Variants in AGBL4 observed in about 807,000 individuals in gnomAD.
AGBL4 encodes the protein cytosolic carboxypeptidase 6.
AGBL4 carries 58 observed loss-of-function variants against 66.4 expected under a neutral mutation model. The ratio of observed to expected loss-of-function variants is 0.87; its 90% CI spans 0.71 to 1.09. The LOEUF (loss-of-function observed/expected upper bound fraction) is 1.09, where lower values mean the gene tolerates loss of function less well. Among genes scored for constraint, AGBL4 ranks in the 50% least tolerant of loss-of-function variants. The pLI, the probability that AGBL4 is intolerant of heterozygous loss-of-function variation, is 0.00. For missense variants in AGBL4, 579 were observed against 631.0 expected, an observed-to-expected ratio of 0.92 and a Z score of 0.88; for synonymous variants, 234 against 222.9, an observed-to-expected ratio of 1.05 and a Z score of -0.44.
At chr1:49,556,830 G>T (rs1200508081) in intron 3 of AGBL4, among the ~76,000 whole-genome samples, 1 of 152,086 alleles carries the variant, frequency 6.6e-6, no homozygotes, top group Non-Finnish European at 1.5e-5. Flanking sequence ...CAGGCTGCAG[G>T]TCCTGAGCCC....
At chr1:49,154,731 T>A (rs1646399073) in intron 4 of AGBL4, among the ~76,000 whole-genome samples, 2 of 152,170 alleles carry the variant, frequency 1.3e-5, no homozygotes, top group South Asian at 4.1e-4. Flanking sequence ...CCATAAATAA[T>A]TCAGGGCTAT....
intron 5 of AGBL4, among the ~76,000 whole-genome samples, chr1:49,004,814 T>C (rs1461754355): frequency 6.6e-6 from 1 of 152,146 alleles, no homozygotes; most frequent in Non-Finnish European, 1.5e-5. Context: ...AAAAAGCAGA[T>C]GGACCAATTG....
intron 4 of AGBL4, among the ~76,000 whole-genome samples, chr1:49,190,062 C>T (rs557454656): frequency 3.3e-5 from 5 of 152,270 alleles, no homozygotes; most frequent in African/African-American, 1.2e-4. Flanking sequence ...AGTCAGGTTG[C>T]TAGCCTGTTC....
chr1:49,393,372 G>T (rs1228201741), intron 3 of AGBL4, among the ~76,000 whole-genome samples: 2 of 152,160 alleles, frequency 1.3e-5, no homozygotes, highest in African/African-American at 2.4e-5. Context: ...CTGGAAGATT[G>T]TACAATCTGG....
intron 9 of AGBL4, among the ~76,000 whole-genome samples, chr1:48,621,485 C>T (rs1645412925): frequency 6.6e-6 from 1 of 152,078 alleles, no homozygotes; most frequent in Non-Finnish European, 1.5e-5. Flanking sequence ...ATAAAGTTAA[C>T]ATATACTTGT....
rs575697044 is a variant in AGBL4 at position 49,413,040 on chromosome 1, C to CAGAATGCA, written c.283-167184_283-167177dup. ...CTAATAGAATGGTGGAACTTGATAC[C>CAGAATGCA]AGAATGCAGTAGATTGAAGACTGAA... On this transcript the variant is annotated intron_variant, in intron 3 of 13. Transcript: ENST00000371839. Among the ~76,000 whole-genome samples, 271 of 152,164 alleles carry CAGAATGCA rather than the reference C, an allele frequency of 1.8e-3. 8 individuals are homozygous for CAGAATGCA. The South Asian group carries it at 0.056, about 31-fold the overall frequency.
rs867450930 is a variant in AGBL4, at chr1:49,067,863, C to T, written c.378-22063G>A. On this transcript the variant is annotated intron_variant, in intron 4 of 13. Coordinates refer to ENST00000371839, the MANE Select transcript of AGBL4 (RefSeq NM_032785.4). ...TGTTCGTTTGCTGCACCCATCAACTCATCATTTACATTAGGTATTTCTCGT... is the reference window on the plus strand; with the variant it reads ...TGTTCGTTTGCTGCACCCATCAACTTATCATTTACATTAGGTATTTCTCGT... 3.2e-4 allele frequency among the ~76,000 whole-genome samples: 48 copies of T among 152,106 alleles called. 1 individual carries two copies. The highest frequency in any genetic ancestry group is 1.1e-3 in the African/African-American group (46 of 41,498).
Position 48,754,540 on chromosome 1 carries a change from G to A in AGBL4, c.635-91299C>T, listed in dbSNP as rs1318618195. Among the ~76,000 whole-genome samples, 5 of 151,956 alleles carry A rather than the reference G, an allele frequency of 3.3e-5. No individual in the cohort carries two copies. The South Asian group carries it at 6.2e-4, about 19-fold the overall frequency. On this transcript the variant is annotated intron_variant, in intron 6 of 13. Transcript: ENST00000371839. Reference sequence around the variant, plus strand: ...ATGTCACCATGCTTTTTGCATCCTCGGCATTTACTTATTTGGGGGAGGAGG... The same window carrying A: ...ATGTCACCATGCTTTTTGCATCCTCAGCATTTACTTATTTGGGGGAGGAGG...
chr1:48,762,308 T>A (rs1378287314), intron 6 of AGBL4, among the ~76,000 whole-genome samples: 3 of 152,228 alleles, frequency 2.0e-5, no homozygotes, highest in Non-Finnish European at 2.9e-5. Context: ...CAACCTAAGA[T>A]AATCTGTTTC....
chr1:49,591,554 C>T (rs1283628027), intron 3 of AGBL4, among the ~76,000 whole-genome samples: 2 of 152,058 alleles, frequency 1.3e-5, no homozygotes, highest in Non-Finnish European at 2.9e-5. Flanking sequence ...ATCAAACTAC[C>T]AATGACATTC....
chr1:49,848,588 T>A (rs1484203057), intron 2 of AGBL4, among the ~76,000 whole-genome samples: 1 of 152,172 alleles, frequency 6.6e-6, no homozygotes, highest in African/African-American at 2.4e-5. Context: ...CATGTTCTCA[T>A]TTATAAGTGA....
intron 9 of AGBL4, among the ~76,000 whole-genome samples, chr1:48,607,649 T>C (rs902813531): frequency 3.3e-5 from 5 of 152,044 alleles, no homozygotes; most frequent in African/African-American, 9.7e-5. Context: ...GAAAGTCTGT[T>C]GAACGGCACC....
At chr1:49,944,218 C>T (rs969618521) in intron 1 of AGBL4, among the ~76,000 whole-genome samples, 6 of 152,038 alleles carry the variant, frequency 3.9e-5, no homozygotes, top group South Asian at 2.1e-4. Context: ...CTTTTGAAAG[C>T]GCCACCTCCT....
intron 4 of AGBL4, among the ~76,000 whole-genome samples, chr1:49,129,625 C>G (rs1645845324): frequency 6.6e-6 from 1 of 151,852 alleles, no homozygotes; most frequent in African/African-American, 2.4e-5. Context: ...CATCCATGTC[C>G]CTACAAAGGA....
intron 2 of AGBL4, among the ~76,000 whole-genome samples, chr1:49,843,171 G>A (rs1646044079): frequency 6.6e-6 from 1 of 152,136 alleles, no homozygotes; most frequent in South Asian, 2.1e-4. Flanking sequence ...CTCTTGCCCA[G>A]GCTAGAGTGC....
chr1:48,772,695 G>T (rs1255710772), intron 6 of AGBL4, among the ~76,000 whole-genome samples: 14 of 152,158 alleles, frequency 9.2e-5, no homozygotes, highest in Non-Finnish European at 2.1e-4. Flanking sequence ...TGTTTTAGAA[G>T]ATTATTCTAA....
intron 3 of AGBL4, among the ~76,000 whole-genome samples, chr1:49,435,684 A>G (rs1190427418): frequency 1.3e-5 from 2 of 152,248 alleles, no homozygotes; most frequent in African/African-American, 4.8e-5. Flanking sequence ...TCAGAGTTCT[A>G]TACAGGGCAA....
intron 3 of AGBL4, among the ~76,000 whole-genome samples, chr1:49,502,776 G>A (rs1461966701): frequency 2.0e-5 from 3 of 152,072 alleles, no homozygotes; most frequent in Admixed American, 2.0e-4. Context: ...AGAATCTGTG[G>A]AACTTTGAAC....
At chr1:49,052,643 A>G (rs1199519168) in intron 4 of AGBL4, among the ~76,000 whole-genome samples, 1 of 152,132 alleles carries the variant, frequency 6.6e-6, no homozygotes, top group Admixed American at 6.6e-5. Context: ...CATAGCTGAA[A>G]TGGGTCAGGT....
Sources: allele counts gnomAD v4.1 joint callset (sites outside exome capture counted in the v4.1 genomes callset), GRCh38; gene constraint gnomAD v4.1.1; transcripts MANE v1.5; gene names NCBI Gene and HGNC (gene_info 2026-07-23, HGNC 2026-07-21).